Variants in CEP128 observed in about 807,000 individuals in gnomAD.
CEP128 encodes centrosomal protein 128, also known as centrosomal protein 128kDa.
CEP128 carries 132 observed loss-of-function variants against 156.7 expected under a neutral mutation model. The observed-to-expected ratio is 0.84, with a 90% CI of 0.73 to 0.97. The LOEUF (loss-of-function observed/expected upper bound fraction) is 0.97. CEP128 is among the 50% of genes least tolerant of loss of function. The pLI is 0.00. For synonymous variants in CEP128, 469 were observed against 448.9 expected (o/e 1.04, Z -0.57); for missense variants, 1,252 against 1,281.9 (o/e 0.98, Z 0.36).
rs552742646 is a variant in CEP128 at position 80,676,424 on chromosome 14, A to T, written c.2806+66651T>A. ...TACATTCAGAAACTTGCTGACTTTC[A>T]TTATTTCTATTAATTTGTGATTTTT... is the stretch of plus-strand genomic sequence containing the variant. On this transcript the variant is annotated intron_variant, in intron 19 of 24. Coordinates refer to ENST00000555265, the MANE Select transcript of CEP128 (RefSeq NM_152446.5). 8.0e-5 allele frequency among the ~76,000 whole-genome samples: 12 copies of T among 149,700 alleles called. No homozygotes were observed. The South Asian group carries it at 2.6e-3, about 33-fold the overall frequency.
At chr14:80,824,071 A>G (rs1377223026) in intron 13 of CEP128, among the ~76,000 whole-genome samples, 1 of 152,172 alleles carries the variant, frequency 6.6e-6, no homozygotes, top group Non-Finnish European at 1.5e-5. Context: ...TCAAAACCAC[A>G]TGGAAGCTGC....
At chr14:80,595,295 G>T (rs1389914703) in intron 19 of CEP128, among the ~76,000 whole-genome samples, 1 of 152,120 alleles carries the variant, frequency 6.6e-6, no homozygotes, top group Admixed American at 6.6e-5. Flanking sequence ...CACAGAGAGG[G>T]GAACATCACA....
At chr14:80,511,035 A>G (rs781622120) in intron 23 of CEP128, among the ~76,000 whole-genome samples, 5 of 144,886 alleles carry the variant, frequency 3.5e-5, no homozygotes, top group Non-Finnish European at 7.5e-5. Flanking sequence ...AATGTTCATC[A>G]GAGATATTGG....
intron 23 of CEP128, 41 bp from the exon 24 acceptor site, chr14:80,505,061 G>A: frequency 9.8e-7 from 1 of 1,019,538 alleles, no homozygotes; most frequent in Non-Finnish European, 1.5e-6. Flanking sequence ...ATTACACAAG[G>A]TATGGACCAA....
chr14:80,787,762 G>A (rs1458102999), intron 14 of CEP128, among the ~76,000 whole-genome samples: 1 of 152,058 alleles, frequency 6.6e-6, no homozygotes, highest in East Asian at 1.9e-4. Flanking sequence ...GCAGTGCTGA[G>A]GATTAAAATC....
At chr14:80,716,310 T>C (rs1355060227) in intron 19 of CEP128, among the ~76,000 whole-genome samples, 2 of 152,148 alleles carry the variant, frequency 1.3e-5, no homozygotes, top group Non-Finnish European at 1.5e-5. Flanking sequence ...ATCACCACAA[T>C]CAATTTTAAA....
intron 19 of CEP128, among the ~76,000 whole-genome samples, chr14:80,584,157 TTTTTTTG>T (rs941998170): frequency 4.4e-5 from 5 of 113,206 alleles, no homozygotes; most frequent in Non-Finnish European, 9.0e-5. Context: ...TTTTTTTTTT[TTTTTTTG>T]TTTGACAGCG....
intron 19 of CEP128, among the ~76,000 whole-genome samples, chr14:80,593,695 C>T (rs1892187870): frequency 6.6e-6 from 1 of 151,964 alleles, no homozygotes; most frequent in Non-Finnish European, 1.5e-5. Context: ...AACGGAGAGC[C>T]AAATCATGAG....
chr14:80,718,959 T>C (rs964360136), intron 19 of CEP128, among the ~76,000 whole-genome samples: 14 of 152,222 alleles, frequency 9.2e-5, no homozygotes, highest in African/African-American at 3.4e-4. Context: ...AAAAGTTTTA[T>C]AACCTTTTGA....
At chr14:80,958,690 C>G (rs369398426) in intron 1 of CEP128, among the ~76,000 whole-genome samples, 1 of 152,008 alleles carries the variant, frequency 6.6e-6, no homozygotes, top group East Asian at 1.9e-4. Context: ...CAAGAAAGAT[C>G]TAAGTTATGG....
At chr14:80,602,652 A>G (rs1892626989) in intron 19 of CEP128, among the ~76,000 whole-genome samples, 1 of 152,170 alleles carries the variant, frequency 6.6e-6, no homozygotes, top group African/African-American at 2.4e-5. Context: ...ATGCACCTGT[A>G]GTCCTAGCTA....
At chr14:80,743,342 A>T in intron 18 of CEP128, 75 bp from the exon 19 acceptor site, 1 of 1,176,686 alleles carries the variant, frequency 8.5e-7, no homozygotes, top group Non-Finnish European at 1.2e-6. Context: ...GAAGAAAAAA[A>T]TAAGTAACAT....
chr14:80,613,414 C>T (rs1047776751), intron 19 of CEP128, among the ~76,000 whole-genome samples: 39 of 150,170 alleles, frequency 2.6e-4, no homozygotes, highest in African/African-American at 9.1e-4. Context: ...GCCATTCTCC[C>T]ACCTCAGCCT....
intron 19 of CEP128, among the ~76,000 whole-genome samples, chr14:80,727,815 T>C (rs1566880103): frequency 6.6e-6 from 1 of 152,132 alleles, no homozygotes; most frequent in Non-Finnish European, 1.5e-5. Flanking sequence ...CACAATTAGA[T>C]ACCATCTCAC....
intron 2 of CEP128, among the ~76,000 whole-genome samples, chr14:80,948,461 A>G (rs1886393455): frequency 6.6e-6 from 1 of 152,226 alleles, no homozygotes. Context: ...GCCACTATTA[A>G]TGTACTAAAC....
Position 80,674,055 on chromosome 14 carries a change from T to C in CEP128, c.2806+69020A>G, listed in dbSNP as rs189530487. 5.3e-3 allele frequency among the ~76,000 whole-genome samples: 780 copies of C among 147,930 alleles called. 10 individuals carry two copies. Among genetic ancestry groups the C allele is most frequent in the South Asian group, 0.02 (95 of 4,728 alleles). On this transcript the variant is annotated intron_variant, in intron 19 of 24. Coordinates refer to ENST00000555265, the MANE Select transcript of CEP128 (RefSeq NM_152446.5). ...AGACAAAAGAATTTTTCAGAGTTTC[T>C]TGCATAATAATTCATAGTTTTTTTT...
At chr14:80,767,534 C>T (rs111533834) in intron 16 of CEP128, among the ~76,000 whole-genome samples, 4 of 152,110 alleles carry the variant, frequency 2.6e-5, no homozygotes, top group African/African-American at 9.6e-5. Context: ...ATATCACTTG[C>T]CCTCTGGGAA....
intron 22 of CEP128, among the ~76,000 whole-genome samples, chr14:80,528,976 T>C (rs1889103210): frequency 6.6e-6 from 1 of 152,232 alleles, no homozygotes; most frequent in South Asian, 2.1e-4. Context: ...ATCAGCTCTT[T>C]TTAATCACAT....
intron 14 of CEP128, among the ~76,000 whole-genome samples, chr14:80,791,974 G>A (rs944389082): frequency 6.6e-6 from 1 of 152,040 alleles, no homozygotes; most frequent in Non-Finnish European, 1.5e-5. Context: ...AGTGACAAAT[G>A]ACAAAGCACA....
Sources: gnomAD v4.1 joint callset for allele counts (sites outside exome capture counted in the v4.1 genomes callset) on GRCh38, gnomAD v4.1.1 for gene constraint, MANE v1.5 for transcripts, NCBI Gene and HGNC (gene_info 2026-07-23, HGNC 2026-07-21) for gene names.